The following CACHD1 variants were observed in gnomAD, a reference collection of about 807,000 sequenced individuals.
CACHD1 encodes the protein VWFA and cache domain-containing protein 1.
CACHD1 carries 71 observed loss-of-function variants against 138.7 expected under a neutral mutation model. The ratio of observed to expected loss-of-function variants is 0.51; its 90% CI spans 0.42 to 0.62. The LOEUF (loss-of-function observed/expected upper bound fraction) is 0.62. CACHD1 is among the 20% of genes least tolerant of loss of function. CACHD1 has a pLI of 0.00. For missense variants in CACHD1, 1,389 were observed against 1,625.3 expected, an observed-to-expected ratio of 0.85 and a Z score of 2.50; for synonymous variants, 578 against 591.5, an observed-to-expected ratio of 0.98 and a Z score of 0.33.
chr1:64,633,520 A>G (rs1227551521), intron 6 of CACHD1, among the ~76,000 whole-genome samples: 1 of 152,124 alleles, frequency 6.6e-6, no homozygotes, highest in Non-Finnish European at 1.5e-5. Context: ...GGAAGTCAGG[A>G]AGAAGGGAAA....
intron 1 of CACHD1, among the ~76,000 whole-genome samples, chr1:64,531,527 G>T (rs77827847): frequency 0.03 from 3,926 of 131,276 alleles, 72 homozygotes; most frequent in Middle Eastern, 0.065. Flanking sequence ...GTGTGTGTGT[G>T]TGTCTGTGTA....
intron 1 of CACHD1, among the ~76,000 whole-genome samples, chr1:64,542,104 G>T (rs778930530): frequency 6.6e-6 from 1 of 152,050 alleles, no homozygotes; most frequent in Non-Finnish European, 1.5e-5. Flanking sequence ...TTTTTAGTGC[G>T]CTCTATATGA....
chr1:64,636,917 A>G (rs1160947232), intron 7 of CACHD1, among the ~76,000 whole-genome samples: 1 of 152,194 alleles, frequency 6.6e-6, no homozygotes, highest in African/African-American at 2.4e-5. Context: ...CTGTATATTC[A>G]GCAGTATACA....
At chr1:64,646,769 T>C (rs771424572) in intron 8 of CACHD1, among the ~76,000 whole-genome samples, 2 of 152,164 alleles carry the variant, frequency 1.3e-5, no homozygotes, top group Admixed American at 6.5e-5. Flanking sequence ...TTAATATTTA[T>C]TTTATTCTGC....
intron 15 of CACHD1, among the ~76,000 whole-genome samples, chr1:64,665,190 T>A (rs1232303944): frequency 6.6e-6 from 1 of 151,870 alleles, no homozygotes; most frequent in East Asian, 1.9e-4. Flanking sequence ...CTAAAACATC[T>A]CTACCTGTAA....
intron 2 of CACHD1, among the ~76,000 whole-genome samples, chr1:64,571,773 A>G (rs1440738812): frequency 6.6e-6 from 1 of 152,174 alleles, no homozygotes; most frequent in African/African-American, 2.4e-5. Context: ...TTATGCAGCA[A>G]ACATTTTTCT....
chr1:64,661,786 A>G (rs1649451427), intron 13 of CACHD1, among the ~76,000 whole-genome samples: 1 of 152,180 alleles, frequency 6.6e-6, no homozygotes, highest in African/African-American at 2.4e-5. Context: ...TATAATAATA[A>G]TCTCCCAGGG....
At chr1:64,503,311 C>G (rs933516531) in intron 1 of CACHD1, among the ~76,000 whole-genome samples, 4 of 152,104 alleles carry the variant, frequency 2.6e-5, no homozygotes, top group Non-Finnish European at 4.4e-5. Context: ...TGAATAATGC[C>G]TTTAGTTAAG....
rs535650487 is a variant in CACHD1 at position 64,480,899 on chromosome 1, T to G, written c.198+9957T>G. ...CTCTCTCTCTCCCTTTTTTTTTTTTTGGGTGAAAATTGCAGTAGGATTACT... is the reference window on the plus strand; with the variant it reads ...CTCTCTCTCTCCCTTTTTTTTTTTTGGGGTGAAAATTGCAGTAGGATTACT... On this transcript the variant is annotated intron_variant, in intron 1 of 26. Transcript: ENST00000651257. Among the ~76,000 whole-genome samples the G allele has an allele frequency of 3.5e-3, 533 of 151,806 alleles. 4 individuals are homozygous for G. Among genetic ancestry groups the G allele is most frequent in the East Asian group, 0.022 (115 of 5,180 alleles).
rs1053370205 is a variant in CACHD1, at chr1:64,616,483, G to A, written c.518-12872G>A. Reference sequence around the variant, plus strand: ...CTCTGAGCTGGGTCTTTTAAAAATGGTAAGAATTACCCAGGTGATGTGCTT... The same window carrying A: ...CTCTGAGCTGGGTCTTTTAAAAATGATAAGAATTACCCAGGTGATGTGCTT... On this transcript the variant is annotated intron_variant, in intron 4 of 26. Coordinates refer to ENST00000651257, the MANE Select transcript of CACHD1 (RefSeq NM_020925.4). Among the ~76,000 whole-genome samples the A allele has an allele frequency of 5.9e-5, 9 of 152,280 alleles. No individual in the cohort carries two copies. In the East Asian group the frequency reaches 1.7e-3, roughly 29 times the overall value.
At chr1:64,612,095 T>C (rs1225639235) in intron 4 of CACHD1, among the ~76,000 whole-genome samples, 1 of 152,120 alleles carries the variant, frequency 6.6e-6, no homozygotes, top group African/African-American at 2.4e-5. Flanking sequence ...GAGAATAGCA[T>C]GGGGGAAACT....
intron 7 of CACHD1, among the ~76,000 whole-genome samples, chr1:64,636,539 A>G (rs150494555): frequency 2.0e-5 from 3 of 152,316 alleles, no homozygotes; most frequent in Non-Finnish European, 2.9e-5. Flanking sequence ...GCTAAGGTTC[A>G]TTCATGCTAA....
intron 1 of CACHD1, among the ~76,000 whole-genome samples, chr1:64,486,315 A>G (rs763153298): frequency 2.0e-5 from 3 of 151,936 alleles, no homozygotes; most frequent in South Asian, 2.1e-4. Flanking sequence ...AAAAGTTTTC[A>G]CATATTCATT....
At chr1:64,690,635 T>C (rs1332315861) in intron 26 of CACHD1, among the ~76,000 whole-genome samples, 1 of 152,232 alleles carries the variant, frequency 6.6e-6, no homozygotes, top group Non-Finnish European at 1.5e-5. Context: ...AGTTAGTGTT[T>C]CATTAGGCAC....
intron 1 of CACHD1, among the ~76,000 whole-genome samples, chr1:64,489,385 G>C (rs1238785030): frequency 6.6e-6 from 1 of 152,096 alleles, no homozygotes. Flanking sequence ...GTAGTGCAGA[G>C]ACCTTCCCCA....
chr1:64,497,881 T>C lies in CACHD1; in HGVS notation c.198+26939T>C, dbSNP rs575624415. Among the ~76,000 whole-genome samples, 9 of 152,186 alleles carry C rather than the reference T, an allele frequency of 5.9e-5. No homozygotes were observed. The South Asian group carries it at 1.9e-3, about 32-fold the overall frequency. Reference sequence around the variant, plus strand: ...TGGCTCATGCCTGTAATCCCAGCACTTTGGGAGGCCAAGGTGGGCAGAACA... The same window carrying C: ...TGGCTCATGCCTGTAATCCCAGCACCTTGGGAGGCCAAGGTGGGCAGAACA... On this transcript the variant is annotated intron_variant, in intron 1 of 26. Coordinates refer to ENST00000651257, the MANE Select transcript of CACHD1 (RefSeq NM_020925.4).
chr1:64,619,758 T>A (rs377413203), intron 4 of CACHD1, among the ~76,000 whole-genome samples: 43 of 152,260 alleles, frequency 2.8e-4, no homozygotes, highest in African/African-American at 1.0e-3. Flanking sequence ...GCCTTACACG[T>A]AGTCAGGACT....
chr1:64,550,926 T>G (rs1381392668), intron 2 of CACHD1, among the ~76,000 whole-genome samples: 1 of 152,180 alleles, frequency 6.6e-6, no homozygotes, highest in East Asian at 1.9e-4. Flanking sequence ...GACTCACACC[T>G]AAAAACACTG....
At chr1:64,592,535 C>T (rs975659530) in intron 3 of CACHD1, among the ~76,000 whole-genome samples, 1 of 152,160 alleles carries the variant, frequency 6.6e-6, no homozygotes, top group Non-Finnish European at 1.5e-5. Context: ...AAGAGTGGAA[C>T]TTCCACAGAT....
Sources: allele counts gnomAD v4.1 joint callset (sites outside exome capture counted in the v4.1 genomes callset), GRCh38; gene constraint gnomAD v4.1.1; transcripts MANE v1.5; gene names NCBI Gene and HGNC (gene_info 2026-07-23, HGNC 2026-07-21).